The following DOCK10 variants were observed in gnomAD, a reference collection of about 807,000 sequenced individuals.
DOCK10 encodes the protein dedicator of cytokinesis protein 10.
DOCK10 carries 145 observed loss-of-function variants against 280.1 expected under a neutral mutation model. The observed-to-expected ratio is 0.52, with a 90% CI of 0.45 to 0.59. The LOEUF is 0.59. Among genes scored for constraint, DOCK10 ranks in the 20% least tolerant of loss-of-function variants. The pLI is 0.00. For synonymous variants in DOCK10, 915 were observed against 942.2 expected (o/e 0.97, Z 0.53); for missense variants, 2,368 against 2,651.7 (o/e 0.89, Z 2.35).
intron 3 of DOCK10, among the ~76,000 whole-genome samples, chr2:224,915,537 A>G (rs1332143179): frequency 3.9e-5 from 6 of 152,270 alleles, no homozygotes; most frequent in Admixed American, 2.0e-4. Flanking sequence ...AAATATGTAC[A>G]GTCATATTTG....
intron 47 of DOCK10, among the ~76,000 whole-genome samples, chr2:224,791,650 A>ATTTT (rs1255139960): frequency 2.9e-5 from 3 of 102,472 alleles, no homozygotes; most frequent in African/African-American, 1.1e-4. Context: ...TTTTTTTTGT[A>ATTTT]TTTTTAGTAG....
intron 1 of DOCK10, among the ~76,000 whole-genome samples, chr2:224,967,622 C>T (rs1704849747): frequency 6.6e-6 from 1 of 152,050 alleles, no homozygotes; most frequent in South Asian, 2.1e-4. Flanking sequence ...AATTAAGCCT[C>T]AAACTGGCTC....
chr2:224,974,969 T>C (rs1427376424), intron 1 of DOCK10, among the ~76,000 whole-genome samples: 1 of 150,670 alleles, frequency 6.6e-6, no homozygotes, highest in Admixed American at 6.7e-5. Flanking sequence ...CCTCCCCCAA[T>C]CACCACACCG....
At chr2:224,886,893 C>CCCCACA (rs550630549) in intron 4 of DOCK10, among the ~76,000 whole-genome samples, 1 of 149,400 alleles carries the variant, frequency 6.7e-6, no homozygotes, top group Non-Finnish European at 1.5e-5. Flanking sequence ...CCAACACCCC[C>CCCCACA]CCAAGTAGTA....
chr2:224,843,542 G>A (rs956545760), intron 22 of DOCK10, among the ~76,000 whole-genome samples: 11 of 152,198 alleles, frequency 7.2e-5, no homozygotes, highest in African/African-American at 2.7e-4. Context: ...AATTGGACTT[G>A]AAGCCTCAGA....
Position 224,839,965 on chromosome 2 carries a change from TGTA to T in DOCK10, c.2766_2768del (p.Thr924del). The T allele has an allele frequency of 2.7e-6, 4 of 1,507,680 alleles. No homozygotes were observed. Among genetic ancestry groups the T allele is most frequent in the Non-Finnish European group, 3.6e-6 (4 of 1,106,152 alleles). The allele number at this position is 1,507,680 out of a possible 1,614,324, so 93.4% of individuals were successfully genotyped here. On this transcript the variant is annotated inframe_deletion, in exon 24 of 56. Transcript: ENST00000258390. ...TGTGTTATGGATACCTGGTGACAGT[TGTA>T]GTTATTTCATCTTCCTCATTCTGTA...
At chr2:224,930,185 C>T (rs1326598702) in intron 2 of DOCK10, among the ~76,000 whole-genome samples, 3 of 119,574 alleles carry the variant, frequency 2.5e-5, no homozygotes, top group African/African-American at 1.0e-4. Context: ...GCCTGGGTGA[C>T]AGAGTGACAC....
chr2:224,918,404 T>C (rs1359714483), intron 2 of DOCK10, among the ~76,000 whole-genome samples: 1 of 149,726 alleles, frequency 6.7e-6, no homozygotes, highest in Non-Finnish European at 1.5e-5. Flanking sequence ...TGTGTGTGCA[T>C]GAGAGTGTGT....
chr2:224,934,557 G>A (rs574921174), intron 1 of DOCK10, among the ~76,000 whole-genome samples: 50 of 152,194 alleles, frequency 3.3e-4, no homozygotes, highest in Non-Finnish European at 6.0e-4. Flanking sequence ...GCGAGAATCC[G>A]GACTACATAA....
At chr2:224,852,691 A>G (rs1241884297) in intron 17 of DOCK10, among the ~76,000 whole-genome samples, 2 of 152,250 alleles carry the variant, frequency 1.3e-5, no homozygotes, top group African/African-American at 4.8e-5. Flanking sequence ...GAAACTAAAA[A>G]AAATAGTCGA....
chr2:224,800,305 A>C lies in DOCK10; in HGVS notation c.4394-42T>G, dbSNP rs758368954. On this transcript the variant is annotated intron_variant, in intron 40 of 55. Transcript: ENST00000258390. ...AAAACATGCGTAAAAGTCTAAGACA[A>C]TGCTTTGTACCCTATAAAGGATTTC... 7.2e-6 allele frequency: 9 copies of C among 1,258,600 alleles called. No individual in the cohort carries two copies. In the East Asian group the frequency reaches 2.2e-4, roughly 31 times the overall value. The allele number at this position is 1,258,600 out of a possible 1,614,324, so 78.0% of individuals were successfully genotyped here.
chr2:224,986,243 A>G (rs1705970874), intron 1 of DOCK10, among the ~76,000 whole-genome samples: 1 of 152,204 alleles, frequency 6.6e-6, no homozygotes, highest in African/African-American at 2.4e-5. Flanking sequence ...CTTAGATAAA[A>G]TATTTGAGAA....
intron 52 of DOCK10, among the ~76,000 whole-genome samples, chr2:224,774,622 C>T (rs971345116): frequency 6.6e-6 from 1 of 152,200 alleles, no homozygotes; most frequent in Non-Finnish European, 1.5e-5. Context: ...GTTCAGAGTG[C>T]CTTGTGCCTT....
intron 31 of DOCK10, among the ~76,000 whole-genome samples, chr2:224,812,946 C>G (rs1693882827): frequency 6.6e-6 from 1 of 152,040 alleles, no homozygotes; most frequent in South Asian, 2.1e-4. Flanking sequence ...GTCTAAAATT[C>G]TCTCTTTTGG....
Position 224,876,107 on chromosome 2 carries a change from T to C in DOCK10, c.862A>G (p.Ile288Val), listed in dbSNP as rs1485519701. 4 of 1,613,838 alleles carry C rather than the reference T, an allele frequency of 2.5e-6. No individual in the cohort carries two copies. The African/African-American group carries it at 5.3e-5, about 22-fold the overall frequency. The change falls in exon 8 of 56, where the codon ATT becomes GTT. Residue 288 changes from isoleucine (I) to valine (V), a missense_variant. Ile to Val is a conservative substitution (Grantham distance 29). This residue lies in a region of DOCK10 where 1,209 missense variants were observed against 1,250.9 expected (regional missense o/e 0.97). Transcript: ENST00000258390. ...GGCCCCTCAGGACTGATTTGCAGAA[T>C]GCGGTTGAGGGTGTGGATCCATTCA... The part of the protein sequence containing the change: ...MDEWIHTLNR[I>V]LQISPEGPLQ...
intron 7 of DOCK10, among the ~76,000 whole-genome samples, chr2:224,883,496 T>C (rs1699094676): frequency 6.6e-6 from 1 of 152,238 alleles, no homozygotes; most frequent in Non-Finnish European, 1.5e-5. Flanking sequence ...CCTTTGAAAT[T>C]AATGGAAGAA....
chr2:224,902,479 T>C (rs2125861380), intron 3 of DOCK10, among the ~76,000 whole-genome samples: 1 of 152,324 alleles, frequency 6.6e-6, no homozygotes, highest in East Asian at 1.9e-4. Context: ...TTGTGGCTAT[T>C]GTATAAATGT....
intron 19 of DOCK10, among the ~76,000 whole-genome samples, chr2:224,848,880 G>T (rs1437013077): frequency 6.6e-6 from 1 of 151,972 alleles, no homozygotes; most frequent in Non-Finnish European, 1.5e-5. Flanking sequence ...CTCTTCACTA[G>T]TCAGTGAAAT....
rs1348766323 is a variant in DOCK10, at chr2:225,018,740, T to TAA, written c.123+23511_123+23512insTT. ...TTCCAAGATTTCATGTAAATATATATATATACACATACACATATGTGTATA... is the reference window on the plus strand; with the variant it reads ...TTCCAAGATTTCATGTAAATATATATAAATATACACATACACATATGTGTATA... On this transcript the variant is annotated intron_variant, in intron 1 of 55. Transcript: ENST00000258390. 1.1e-3 allele frequency among the ~76,000 whole-genome samples: 66 copies of TAA among 60,026 alleles called. 9 individuals are homozygous for TAA. The highest frequency in any genetic ancestry group is 2.8e-3 in the African/African-American group (65 of 22,890). 39.4% of individuals were successfully genotyped at this position (60,026 alleles called of 152,430 possible). A position where few individuals can be genotyped will look rare whatever the true frequency, so the allele number is the denominator to read the frequency against.
Sources: gnomAD v4.1 joint callset for allele counts (sites outside exome capture counted in the v4.1 genomes callset) on GRCh38, gnomAD v4.1.1 for gene constraint, gnomAD v4.1.1 regional missense constraint, MANE v1.5 for transcripts, NCBI Gene and HGNC (gene_info 2026-07-23, HGNC 2026-07-21) for gene names.